GAA: variants seen among roughly 807,000 people sequenced by gnomAD.
The protein encoded by GAA is lysosomal alpha-glucosidase.
Under a neutral mutation model 103.9 loss-of-function variants are expected in GAA, and 88 were observed. The ratio of observed to expected loss-of-function variants is 0.85; its 90% confidence interval spans 0.71 to 1.01. The LOEUF (loss-of-function observed/expected upper bound fraction) is 1.01, where lower values mean the gene tolerates loss of function less well. Ranked by LOEUF, GAA falls within the 50% of genes least tolerant of loss-of-function variation. GAA has a pLI of 0.00. For missense variants in GAA, 1,350 were observed against 1,305.3 expected, an observed-to-expected ratio of 1.03 and a Z score of -0.53; for synonymous variants, 572 against 563.1, an observed-to-expected ratio of 1.02 and a Z score of -0.22.
Position 80,112,684 on chromosome 17 carries a change from T to C in GAA, c.1861T>C (p.Trp621Arg), listed in dbSNP as rs1327361418. The change falls in exon 13 of 20, where the codon TGG becomes CGG. Residue 621 changes from tryptophan to arginine, a missense_variant. Coordinates refer to ENST00000302262, the MANE Select transcript of GAA (RefSeq NM_000152.5). ...GHWTGDVWSS[W>R]EQLASSVPEI... is the part of the protein sequence containing the mutation. ...CTGGACGGGGGACGTGTGGAGCTCC[T>C]GGGAGCAGCTCGCCTCCTCCGTGCC... 6.2e-7 allele frequency: 1 copy of C among 1,610,836 alleles called. No individual in the cohort carries two copies.
At chr17:80,109,783 C>T (rs1289869408) in intron 8 of GAA, among the ~76,000 whole-genome samples, 162 bp from the exon 9 acceptor site, 1 of 151,962 alleles carries the variant, frequency 6.6e-6, no homozygotes, top group Non-Finnish European at 1.5e-5. Context: ...CCTGGCTCCT[C>T]TCCAGGCAGG....
At position 80,113,297 on chromosome 17, in the gene GAA, C is replaced by G; in HGVS notation, c.2120C>G (p.Pro707Arg). 1.9e-6 allele frequency: 3 copies of G among 1,599,194 alleles called. No homozygotes were observed. The highest frequency in any genetic ancestry group is 1.1e-5 in the South Asian group (1 of 88,224). Residue 707 changes from proline (P) to arginine (R), a missense_variant, in exon 15 of 20, where the codon CCC (proline) becomes CGC (arginine). By Grantham distance (103) the Pro-to-Arg change is moderately radical (BLOSUM62 -2). Transcript: ENST00000302262. The stretch of plus-strand genomic sequence containing the variant: ...CTCACCCTGCGCTACGCACTCCTCC[C>G]CCACCTCTACACACTGTTCCACCAG... ...KALTLRYALL[P>R]HLYTLFHQAH... is the part of the protein sequence containing the mutation.
intron 18 of GAA, 87 bp downstream of exon 18, chr17:80,118,444 G>T: frequency 6.6e-7 from 1 of 1,505,744 alleles, no homozygotes. Flanking sequence ...GGGGTCCCAC[G>T]ATGGCTACCT....
chr17:80,118,654 A>G lies in GAA; in HGVS notation c.2648A>G (p.Asn883Ser). Residue 883 changes from asparagine to serine, a missense_variant and splice_region_variant, in exon 19 of 20, where the codon AAC (asparagine) becomes AGC (serine). By Grantham distance (46) the Asn-to-Ser change is conservative. Coordinates refer to ENST00000302262, the MANE Select transcript of GAA (RefSeq NM_000152.5). ...YTQVIFLARN[N>S]TIVNELVRVT... The stretch of plus-strand genomic sequence containing the variant: ...TTCATCTCTCTCTGCTCGGCCCAGA[A>G]CACGATCGTGAATGAGCTGGTACGT... 6.2e-7 allele frequency: 1 copy of G among 1,612,064 alleles called. No individual in the cohort carries two copies. Among genetic ancestry groups the G allele is most frequent in the South Asian group, 1.1e-5 (1 of 91,078 alleles).
chr17:80,119,699 T>C lies in GAA; in HGVS notation c.*368T>C, dbSNP rs1800320. 5.9e-6 allele frequency: 2 copies of C among 338,658 alleles called. No homozygotes were observed. Among genetic ancestry groups the C allele is most frequent in the African/African-American group, 4.3e-5 (2 of 46,716 alleles). The allele number at this position is 338,658 out of a possible 1,614,324, so 21.0% of individuals were successfully genotyped here. On this transcript the variant is annotated 3_prime_UTR_variant, in exon 20 of 20. Transcript: ENST00000302262. ...GGTGCTCAGGTGGAGGTGTGGGGTATGCACCTGAGCTCCTGCTTCGCGCCT... is the reference window on the plus strand; with the variant it reads ...GGTGCTCAGGTGGAGGTGTGGGGTACGCACCTGAGCTCCTGCTTCGCGCCT...
Position 80,118,277 on chromosome 17 carries a change from G to A in GAA, c.2566G>A (p.Glu856Lys), listed in dbSNP as rs1039438307. Residue 856 changes from glutamate to lysine, a missense_variant, in exon 18 of 20, where the codon GAG becomes AAG. Physicochemically the swap from Glu to Lys is moderately conservative, Grantham distance 56. Coordinates refer to ENST00000302262, the MANE Select transcript of GAA (RefSeq NM_000152.5). ...GACCAAGGGTGGGGAGGCCCGAGGG[G>A]AGCTGTTCTGGGACGATGGAGAGAG... ...ALTKGGEARG[E>K]LFWDDGESLE... The A allele has an allele frequency of 3.1e-6, 5 of 1,607,596 alleles. No individual in the cohort carries two copies. Among genetic ancestry groups the A allele is most frequent in the Middle Eastern group, 1.7e-4 (1 of 6,032 alleles).
chr17:80,117,200 C>T (rs1034714091), intron 16 of GAA, 91 bp downstream of exon 16: 17 of 1,405,172 alleles, frequency 1.2e-5, no homozygotes, highest in East Asian at 2.3e-5. Context: ...GACCAGGTGG[C>T]GGAAAGAGGA....
In GAA at chr17:80,104,941, G is replaced by A. The variant is rs1555598802; in HGVS notation, c.355G>A (p.Gly119Arg). 6.2e-7 allele frequency: 1 copy of A among 1,612,422 alleles called. No individual in the cohort carries two copies. The highest frequency in any genetic ancestry group is 2.2e-5 in the East Asian group (1 of 44,850). ...CATCCCTGCAAAGCAGGGGCTGCAG[G>A]GAGCCCAGATGGGGCAGCCCTGGTG... ...CYIPAKQGLQ[G>R]AQMGQPWCFF... is the part of the protein sequence containing the mutation. Residue 119 changes from glycine to arginine, a missense_variant, in exon 2 of 20, where the codon GGA becomes AGA. Transcript: ENST00000302262. This position sits in a 1 kb window ranked among gnomAD's most constrained non-coding sequence, Gnocchi z 4.0.
rs1380422688 is a variant in GAA, at chr17:80,108,847, T to C, written c.1326+19T>C. On this transcript the variant is annotated intron_variant, in intron 8 of 19. Coordinates refer to ENST00000302262, the MANE Select transcript of GAA (RefSeq NM_000152.5). ...GATCGTGGTGTGTGCCCCCACACTG[T>C]GGGTCTTTGGGAAGGGGGCCGCCCG... 7 of 1,572,596 alleles carry C rather than the reference T, an allele frequency of 4.5e-6. No individual in the cohort carries two copies. Among genetic ancestry groups the C allele is most frequent in the South Asian group, 1.2e-5 (1 of 86,750 alleles).
In GAA at chr17:80,104,955, G is replaced by A. The variant is rs768605197; in HGVS notation, c.369G>A (p.Gly123=). 1 of 1,612,490 alleles carries A rather than the reference G, an allele frequency of 6.2e-7. No individual in the cohort carries two copies. Among genetic ancestry groups the A allele is most frequent in the Non-Finnish European group, 8.5e-7 (1 of 1,179,844 alleles). The change falls in exon 2 of 20, where the codon GGG becomes GGA. Residue 123 remains glycine (G), a synonymous_variant. Coordinates refer to ENST00000302262, the MANE Select transcript of GAA (RefSeq NM_000152.5). This position sits in a 1 kb window ranked among gnomAD's most constrained non-coding sequence, Gnocchi z 4.0. ...AKQGLQGAQM[G]QPWCFFPPSY... is the part of the protein sequence containing the mutation. ...AGGGGCTGCAGGGAGCCCAGATGGGGCAGCCCTGGTGCTTCTTCCCACCCA... is the reference window on the plus strand; with the variant it reads ...AGGGGCTGCAGGGAGCCCAGATGGGACAGCCCTGGTGCTTCTTCCCACCCA...
intron 11 of GAA, 100 bp downstream of exon 11, chr17:80,111,125 G>C: frequency 8.9e-7 from 1 of 1,120,560 alleles, no homozygotes; most frequent in South Asian, 1.3e-5. Flanking sequence ...AAGCAGATGG[G>C]CCAGCGGGGA....
rs562165208 is a variant in GAA, at chr17:80,119,648, C to T, written c.*317C>T. On this transcript the variant is annotated 3_prime_UTR_variant, in exon 20 of 20. Coordinates refer to ENST00000302262, the MANE Select transcript of GAA (RefSeq NM_000152.5). ...GCGGGTAGTATTAGCCACCCCCCTCCATCTGTTCCCAGCACCGGAGAAGGG... is the reference window on the plus strand; with the variant it reads ...GCGGGTAGTATTAGCCACCCCCCTCTATCTGTTCCCAGCACCGGAGAAGGG... The T allele has an allele frequency of 2.6e-6, 1 of 385,986 alleles. No homozygotes were observed. The highest frequency in any genetic ancestry group is 5.0e-6 in the Non-Finnish European group (1 of 200,744). 23.9% of individuals were successfully genotyped at this position (385,986 alleles called of 1,614,324 possible). A position where few individuals can be genotyped will look rare whatever the true frequency, so the allele number is the denominator to read the frequency against.
At position 80,119,457 on chromosome 17, in the gene GAA, A is replaced by G. The variant is rs2039435079; in HGVS notation, c.*126A>G. On this transcript the variant is annotated 3_prime_UTR_variant, in exon 20 of 20. Coordinates refer to ENST00000302262, the MANE Select transcript of GAA (RefSeq NM_000152.5). ...TGTCACCTGGAGCTGGGCACTAACC[A>G]TTCCAAGCCGCCGCATCGCTTGTTT... 1 of 816,964 alleles carries G rather than the reference A, an allele frequency of 1.2e-6. No homozygotes were observed. The highest frequency in any genetic ancestry group is 2.1e-6 in the Non-Finnish European group (1 of 475,798). 50.6% of individuals were successfully genotyped at this position (816,964 alleles called of 1,614,324 possible). A position where few individuals can be genotyped will look rare whatever the true frequency, so the allele number is the denominator to read the frequency against.
intron 8 of GAA, among the ~76,000 whole-genome samples, chr17:80,109,330 A>G (rs975970024): frequency 6.6e-6 from 1 of 152,250 alleles, no homozygotes; most frequent in African/African-American, 2.4e-5. Context: ...GTCCCAAAGC[A>G]GGACTCTTGA....
In GAA at chr17:80,105,738, A is replaced by G. The variant is rs2143833497; in HGVS notation, c.547-11A>G. 2 of 1,611,858 alleles carry G rather than the reference A, an allele frequency of 1.2e-6. No homozygotes were observed. The highest frequency in any genetic ancestry group is 1.7e-6 in the Non-Finnish European group (2 of 1,179,890). On this transcript the variant is annotated splice_polypyrimidine_tract_variant and intron_variant, in intron 2 of 19. Coordinates refer to ENST00000302262, the MANE Select transcript of GAA (RefSeq NM_000152.5). The stretch of plus-strand genomic sequence containing the variant: ...CTGTGGGGAACATCAATAAACCCCC[A>G]TCTCTTCTAGATCAAAGATCCAGCT...
chr17:80,119,222 C>G, intron 19 of GAA, 50 bp from the exon 20 acceptor site: 1 of 1,573,068 alleles, frequency 6.4e-7, no homozygotes, highest in South Asian at 1.1e-5. Flanking sequence ...GCTGGGGTCT[C>G]ACTGCTGCTG....
At chr17:80,111,787 C>G in intron 11 of GAA, 196 bp from the exon 12 acceptor site, 1 of 599,826 alleles carries the variant, frequency 1.7e-6, no homozygotes, top group East Asian at 2.8e-5. Context: ...GTCTTAGAAG[C>G]AGTGGAGATG....
chr17:80,101,770 A>C lies in GAA; in HGVS notation c.-153A>C, dbSNP rs2038956716. ...GGTCGGGGATGAGGCAGCAGGTAGG[A>C]CAGTGACCTCGGTGACGCGAAGGAC... On this transcript the variant is annotated 5_prime_UTR_variant, in exon 1 of 20. Coordinates refer to ENST00000302262, the MANE Select transcript of GAA (RefSeq NM_000152.5). 1 of 152,220 alleles carries C rather than the reference A, an allele frequency of 6.6e-6. No individual in the cohort carries two copies. Among genetic ancestry groups the C allele is most frequent in the Admixed American group, 6.5e-5 (1 of 15,288 alleles). 9.4% of individuals were successfully genotyped at this position (152,220 alleles called of 1,614,324 possible). A position where few individuals can be genotyped will look rare whatever the true frequency, so the allele number is the denominator to read the frequency against.
chr17:80,109,640 A>G (rs1018891281), intron 8 of GAA, among the ~76,000 whole-genome samples: 11 of 151,940 alleles, frequency 7.2e-5, no homozygotes, highest in South Asian at 6.2e-4. Context: ...TCTTTCTCAC[A>G]TTTTTTTAAT....
Sources: gnomAD v4.1 joint callset for allele counts (sites outside exome capture counted in the v4.1 genomes callset) on GRCh38, gnomAD v4.1.1 for gene constraint, Gnocchi (gnomAD v3.1) non-coding constraint, MANE v1.5 for transcripts, NCBI Gene and HGNC (gene_info 2026-07-23, HGNC 2026-07-21) for gene names.